Variants in AGO3 observed in about 807,000 individuals in gnomAD.
AGO3 encodes protein argonaute-3.
A neutral mutation model predicts 105.5 loss-of-function variants in AGO3; 16 were observed. That is an observed-to-expected ratio of 0.15 (90% CI 0.10 to 0.23). The LOEUF is 0.23. Among genes scored for constraint, AGO3 ranks in the 10% least tolerant of loss-of-function variants. AGO3 has a pLI of 1.00. For missense variants in AGO3, 534 were observed against 1,088.0 expected (o/e 0.49, Z 7.16); for synonymous variants, 340 against 367.3 (o/e 0.93, Z 0.85).
Position 36,008,059 on chromosome 1 carries a change from G to A in AGO3, c.794-631G>A, listed in dbSNP as rs1404842284. On this transcript the variant is annotated intron_variant, in intron 6 of 18. Transcript: ENST00000373191. This position sits in a 1 kb window ranked among gnomAD's most constrained non-coding sequence, Gnocchi z 5.1. ...TCTCAAAGGGATCTTGACTCCATAA[G>A]AGGGTAGGGATCACCTACTTTAGGA... Among the ~76,000 whole-genome samples the A allele has an allele frequency of 6.6e-6, 1 of 152,200 alleles. No homozygotes were observed. The highest frequency in any genetic ancestry group is 1.5e-5 in the Non-Finnish European group (1 of 68,040).
intron 5 of AGO3, among the ~76,000 whole-genome samples, chr1:35,994,812 C>T (rs921314225): frequency 6.6e-6 from 1 of 152,136 alleles, no homozygotes; most frequent in Non-Finnish European, 1.5e-5. Flanking sequence ...ATGGCCCCCA[C>T]GCTGAAAGCT....
chr1:35,994,963 C>A (rs1648134095), intron 5 of AGO3, among the ~76,000 whole-genome samples: 1 of 151,714 alleles, frequency 6.6e-6, no homozygotes, highest in African/African-American at 2.4e-5. Context: ...CTTTGGGAGG[C>A]CAAGGTGGGT....
At chr1:36,053,350 G>A (rs971585738) in intron 17 of AGO3, among the ~76,000 whole-genome samples, 2 of 150,600 alleles carry the variant, frequency 1.3e-5, no homozygotes, top group Admixed American at 6.6e-5. Flanking sequence ...GTGCAGTCAC[G>A]GCTTACTGCA....
At chr1:35,973,210 T>A (rs1233381865) in intron 4 of AGO3, among the ~76,000 whole-genome samples, 165 bp from the exon 5 acceptor site, 1 of 152,174 alleles carries the variant, frequency 6.6e-6, no homozygotes, top group Non-Finnish European at 1.5e-5. Context: ...TTTTTCCATT[T>A]AGAGTGGATA....
At chr1:36,015,211 C>T (rs754498786) in intron 11 of AGO3, among the ~76,000 whole-genome samples, 1 of 152,138 alleles carries the variant, frequency 6.6e-6, no homozygotes, top group Non-Finnish European at 1.5e-5. Flanking sequence ...ACTAGGGAAA[C>T]ACTTACTATG....
At chr1:36,000,526 G>C (rs540270832) in intron 5 of AGO3, among the ~76,000 whole-genome samples, 4 of 152,086 alleles carry the variant, frequency 2.6e-5, no homozygotes, top group Admixed American at 2.0e-4. Flanking sequence ...TGAAATATTA[G>C]TTGTGAAGGC....
chr1:36,022,602 A>G (rs915106993), intron 11 of AGO3, among the ~76,000 whole-genome samples: 3 of 152,092 alleles, frequency 2.0e-5, no homozygotes, highest in Non-Finnish European at 2.9e-5. Flanking sequence ...TGATCATCCA[A>G]TGATTTTTCC....
intron 17 of AGO3, among the ~76,000 whole-genome samples, chr1:36,047,486 C>T (rs1224980970): frequency 1.3e-5 from 2 of 151,076 alleles, no homozygotes; most frequent in South Asian, 4.2e-4. Context: ...GAGTGAAGAG[C>T]GCCTCTGAGA....
intron 14 of AGO3, among the ~76,000 whole-genome samples, chr1:36,039,515 AAG>A (rs1002229272): frequency 1.3e-4 from 19 of 143,240 alleles, no homozygotes; most frequent in South Asian, 6.4e-4. Flanking sequence ...AAAAAAAAAA[AAG>A]AGAGAAAGAG....
At position 36,071,804 on chromosome 1, in the gene AGO3, A is replaced by G. The variant is rs1199489470; in HGVS notation, c.*16059A>G. 1 of 152,226 alleles carries G rather than the reference A, an allele frequency of 6.6e-6. No homozygotes were observed. Among genetic ancestry groups the G allele is most frequent in the Admixed American group, 6.5e-5 (1 of 15,274 alleles). The allele number at this position is 152,226 out of a possible 1,614,324, so 9.4% of individuals were successfully genotyped here. On this transcript the variant is annotated 3_prime_UTR_variant, in exon 19 of 19. Transcript: ENST00000373191. ...GCTGTAGGACCAGATAAGATTTTGA[A>G]TGAGACTAAACTTGACTGCCATATT...
intron 1 of AGO3, among the ~76,000 whole-genome samples, chr1:35,939,926 TTAG>T (rs1464924102): frequency 1.3e-5 from 2 of 152,170 alleles, no homozygotes; most frequent in East Asian, 3.8e-4. Flanking sequence ...TTATTCATAT[TTAG>T]TAGTAACTAT....
intron 1 of AGO3, among the ~76,000 whole-genome samples, chr1:35,944,733 A>G (rs184069836): frequency 2.0e-5 from 3 of 151,166 alleles, no homozygotes; most frequent in African/African-American, 7.3e-5. Flanking sequence ...TGAACTCCCA[A>G]CCTCAGGTGA....
intron 6 of AGO3, among the ~76,000 whole-genome samples, chr1:36,007,269 C>T (rs1461912999): frequency 6.6e-6 from 1 of 152,206 alleles, no homozygotes; most frequent in African/African-American, 2.4e-5. Flanking sequence ...CCATCTACCC[C>T]ATTTTGGACT....
At chr1:35,964,176 C>A (rs989697677) in intron 2 of AGO3, among the ~76,000 whole-genome samples, 3 of 151,998 alleles carry the variant, frequency 2.0e-5, no homozygotes, top group Middle Eastern at 6.8e-3. Context: ...GGTATATGTA[C>A]AGGTTTGTTA....
At position 36,045,304 on chromosome 1, in the gene AGO3, C is replaced by A. The variant is rs1040914806; in HGVS notation, c.2274+1756C>A. 1.8e-4 allele frequency among the ~76,000 whole-genome samples: 27 copies of A among 152,168 alleles called. 5 individuals carry two copies. The highest frequency in any genetic ancestry group is 7.9e-4 in the Admixed American group (12 of 15,254). On this transcript the variant is annotated intron_variant, in intron 17 of 18. Transcript: ENST00000373191. ...TAGTGTGATCTTGGCTCACTGCAACCTCTGTCTCCCAGGTTCAAGCAATTC... is the reference window on the plus strand; with the variant it reads ...TAGTGTGATCTTGGCTCACTGCAACATCTGTCTCCCAGGTTCAAGCAATTC...
At chr1:36,006,920 C>T (rs865963236) in intron 6 of AGO3, among the ~76,000 whole-genome samples, 1 of 152,100 alleles carries the variant, frequency 6.6e-6, no homozygotes, top group Non-Finnish European at 1.5e-5. Flanking sequence ...TACCTAATTG[C>T]AGGTAGCAGT....
In AGO3 at chr1:36,055,982, G is replaced by C. The variant is rs748481260; in HGVS notation, c.*237G>C. The C allele has an allele frequency of 2.7e-6, 1 of 367,688 alleles. No individual in the cohort carries two copies. The highest frequency in any genetic ancestry group is 4.9e-6 in the Non-Finnish European group (1 of 203,750). 22.8% of individuals were successfully genotyped at this position (367,688 alleles called of 1,614,324 possible). A position where few individuals can be genotyped will look rare whatever the true frequency, so the allele number is the denominator to read the frequency against. On this transcript the variant is annotated 3_prime_UTR_variant, in exon 19 of 19. Transcript: ENST00000373191. The surrounding 1 kb of genome is among the most constrained non-coding windows in gnomAD (Gnocchi z 4.4). Reference sequence around the variant, plus strand: ...CTGCTTTTTGTGCGGTCTCCTATAGGAAGTATCGCAATTGTTTTGTTTTCA... The same window carrying C: ...CTGCTTTTTGTGCGGTCTCCTATAGCAAGTATCGCAATTGTTTTGTTTTCA...
Position 36,008,990 on chromosome 1 carries a change from C to T in AGO3, c.975C>T (p.His325=), listed in dbSNP as rs749525231. The T allele has an allele frequency of 1.2e-6, 2 of 1,607,430 alleles. No homozygotes were observed. Among genetic ancestry groups the T allele is most frequent in the African/African-American group, 1.3e-5 (1 of 74,602 alleles). The change falls in exon 8 of 19, where the codon CAC becomes CAT. Residue 325 remains histidine, a synonymous_variant. Transcript: ENST00000373191. The surrounding 1 kb of genome is among the most constrained non-coding windows in gnomAD (Gnocchi z 5.1). ...ATACTCTTCAGCTGAAGTACCCGCACCTTCCCTGTCTGCAAGTCGGGCAGG... is the reference window on the plus strand; with the variant it reads ...ATACTCTTCAGCTGAAGTACCCGCATCTTCCCTGTCTGCAAGTCGGGCAGG... ...EKYTLQLKYP[H]LPCLQVGQEQ...
At chr1:36,043,913 G>A (rs2148853311) in intron 17 of AGO3, among the ~76,000 whole-genome samples, 1 of 152,136 alleles carries the variant, frequency 6.6e-6, no homozygotes, top group East Asian at 1.9e-4. Context: ...GCTCAGGCTA[G>A]ACTAGAACTC....
Sources: gnomAD v4.1 joint callset for allele counts (sites outside exome capture counted in the v4.1 genomes callset) on GRCh38, gnomAD v4.1.1 for gene constraint, Gnocchi (gnomAD v3.1) non-coding constraint, MANE v1.5 for transcripts, NCBI Gene and HGNC (gene_info 2026-07-23, HGNC 2026-07-21) for gene names.